CDK3: variants seen among roughly 807,000 people sequenced by gnomAD.
The protein encoded by CDK3 is cyclin dependent kinase 3, also known as cyclin-dependent kinase 3.
A neutral mutation model predicts 30.2 loss-of-function variants in CDK3; 24 were observed. The ratio of observed to expected loss-of-function variants is 0.79; its 90% CI spans 0.57 to 1.12. The LOEUF (loss-of-function observed/expected upper bound fraction) is 1.12. Ranked by LOEUF, CDK3 falls within the 50% of genes most tolerant of loss-of-function variation. The pLI is 0.00. For synonymous variants in CDK3, 158 were observed against 154.2 expected (o/e 1.02, Z -0.18); for missense variants, 345 against 376.0 (o/e 0.92, Z 0.68).
intron 7 of CDK3, among the ~76,000 whole-genome samples, chr17:76,003,693 T>G (rs910000448): frequency 1.3e-5 from 2 of 152,244 alleles, no homozygotes; most frequent in African/African-American, 4.8e-5. Flanking sequence ...TTGTGGACAT[T>G]ACTGCTCCAT....
In CDK3 at chr17:76,001,654, C is replaced by A; in HGVS notation, c.116+113C>A. 1.0e-6 allele frequency: 1 copy of A among 982,760 alleles called. No individual in the cohort carries two copies. The highest frequency in any genetic ancestry group is 2.5e-5 in the East Asian group (1 of 39,532). 60.9% of individuals were successfully genotyped at this position (982,760 alleles called of 1,614,324 possible). The stretch of plus-strand genomic sequence containing the variant: ...ACGTTTAACTCCTCTGGGTGCTGCC[C>A]AGCAGCCCTTACCTGTCCTCTCCCC... On this transcript the variant is annotated intron_variant, in intron 2 of 7. Coordinates refer to ENST00000448471, the MANE Select transcript of CDK3 (RefSeq NM_001258.4). The surrounding 1 kb of genome is among the most constrained non-coding windows in gnomAD (Gnocchi z 6.2).
In CDK3 at chr17:76,005,513, G is replaced by A; in HGVS notation, c.*90G>A. The A allele has an allele frequency of 6.8e-7, 1 of 1,468,900 alleles. No individual in the cohort carries two copies. The highest frequency in any genetic ancestry group is 9.3e-7 in the Non-Finnish European group (1 of 1,078,738). 91.0% of individuals were successfully genotyped at this position (1,468,900 alleles called of 1,614,324 possible). On this transcript the variant is annotated 3_prime_UTR_variant, in exon 8 of 8. Transcript: ENST00000448471. The surrounding 1 kb of genome is among the most constrained non-coding windows in gnomAD (Gnocchi z 4.7). The stretch of plus-strand genomic sequence containing the variant: ...TGCCAAGAGAGGATGCATCTGGGGA[G>A]AGCAAAGCACTAAGGAATTCAGCAT...
Position 76,001,793 on chromosome 17 carries a change from A to C in CDK3, c.117-81A>C. The stretch of plus-strand genomic sequence containing the variant: ...GGGGCCCTGGTCATTCTGTGGGGTT[A>C]AGGAGAAGCCGATCCCCCTGGCTGG... On this transcript the variant is annotated intron_variant, in intron 2 of 7. Transcript: ENST00000448471. This position sits in a 1 kb window ranked among gnomAD's most constrained non-coding sequence, Gnocchi z 6.2. The C allele has an allele frequency of 7.5e-7, 1 of 1,340,500 alleles. No individual in the cohort carries two copies. The highest frequency in any genetic ancestry group is 1.0e-6 in the Non-Finnish European group (1 of 969,380). 83.0% of individuals were successfully genotyped at this position (1,340,500 alleles called of 1,614,324 possible).
In CDK3 at chr17:76,001,561, C is replaced by T. The variant is rs763101490; in HGVS notation, c.116+20C>T. 4.4e-6 allele frequency: 7 copies of T among 1,598,592 alleles called. No individual in the cohort carries two copies. In the South Asian group the frequency reaches 7.7e-5, roughly 18 times the overall value. Reference sequence around the variant, plus strand: ...GGATTTGTGAGTGCTGGGACGGCCCCTGAGTTACCCACCCTGGGCCATCAC... The same window carrying T: ...GGATTTGTGAGTGCTGGGACGGCCCTTGAGTTACCCACCCTGGGCCATCAC... On this transcript the variant is annotated intron_variant, in intron 2 of 7. Coordinates refer to ENST00000448471, the MANE Select transcript of CDK3 (RefSeq NM_001258.4). The surrounding 1 kb of genome is among the most constrained non-coding windows in gnomAD (Gnocchi z 6.2).
intron 7 of CDK3, among the ~76,000 whole-genome samples, chr17:76,004,219 G>GTTTTGTTTTT (rs1555622998): frequency 2.2e-5 from 2 of 92,296 alleles, no homozygotes; most frequent in South Asian, 3.7e-4. Flanking sequence ...AGAACCGTCT[G>GTTTTGTTTTT]TTTTTTTTTT....
Position 76,002,463 on chromosome 17 carries a change from A to G in CDK3, c.486+45A>G, listed in dbSNP as rs749674994. 3.7e-6 allele frequency: 6 copies of G among 1,602,602 alleles called. No individual in the cohort carries two copies. Among genetic ancestry groups the G allele is most frequent in the Non-Finnish European group, 5.1e-6 (6 of 1,170,610 alleles). On this transcript the variant is annotated intron_variant, in intron 5 of 7. Transcript: ENST00000448471. This position sits in a 1 kb window ranked among gnomAD's most constrained non-coding sequence, Gnocchi z 4.3. ...AGAGAGGGGCAGCAGGAGGAGTGTC[A>G]CCCATGCACTCAGCCACCCTGAGTG... is the stretch of plus-strand genomic sequence containing the variant.
chr17:76,002,527 A>T lies in CDK3; in HGVS notation c.503A>T (p.Tyr168Phe), dbSNP rs760094955. The T allele has an allele frequency of 5.6e-6, 7 of 1,258,994 alleles. No homozygotes were observed. The highest frequency in any genetic ancestry group is 7.0e-6 in the Non-Finnish European group (6 of 855,678). 78.0% of individuals were successfully genotyped at this position (1,258,994 alleles called of 1,614,324 possible). ...TYTHEVVTLWYRAPEILLGSK... is the reference protein window; with the variant it reads ...TYTHEVVTLWFRAPEILLGSK... Reference sequence around the variant, plus strand: ...GCCCTGCAGGTGGTGACACTGTGGTATCGCGCCCCCGAGATTCTCTTGGGC... The same window carrying T: ...GCCCTGCAGGTGGTGACACTGTGGTTTCGCGCCCCCGAGATTCTCTTGGGC... Residue 168 changes from tyrosine to phenylalanine, a missense_variant, in exon 6 of 8, where the codon TAT (tyrosine) becomes TTT (phenylalanine). Tyr to Phe is a conservative substitution (Grantham distance 22, BLOSUM62 3). Coordinates refer to ENST00000448471, the MANE Select transcript of CDK3 (RefSeq NM_001258.4). The surrounding 1 kb of genome is among the most constrained non-coding windows in gnomAD (Gnocchi z 4.3).
chr17:76,004,219 GTTT>G (rs59029490), intron 7 of CDK3, among the ~76,000 whole-genome samples: 34 of 92,316 alleles, frequency 3.7e-4, no homozygotes. Context: ...AGAACCGTCT[GTTT>G]TTTTTTTTTT....
Position 76,005,585 on chromosome 17 carries a change from C to T in CDK3, c.*162C>T, listed in dbSNP as rs1011736969. 3.7e-6 allele frequency: 3 copies of T among 803,656 alleles called. No individual in the cohort carries two copies. Among genetic ancestry groups the T allele is most frequent in the Admixed American group, 3.2e-5 (1 of 31,350 alleles). The allele number at this position is 803,656 out of a possible 1,614,324, so 49.8% of individuals were successfully genotyped here. On this transcript the variant is annotated 3_prime_UTR_variant, in exon 8 of 8. Coordinates refer to ENST00000448471, the MANE Select transcript of CDK3 (RefSeq NM_001258.4). The surrounding 1 kb of genome is among the most constrained non-coding windows in gnomAD (Gnocchi z 4.7). ...TGGGTTAGTCCTGCCCGCAGGTTAGCGAGATCCTGTGTTGTTTTTTGGGTT... is the reference window on the plus strand; with the variant it reads ...TGGGTTAGTCCTGCCCGCAGGTTAGTGAGATCCTGTGTTGTTTTTTGGGTT...
Position 76,001,026 on chromosome 17 carries a change from A to G in CDK3, c.-15+59A>G. Reference sequence around the variant, plus strand: ...GCACAAGTGAGAGGCCTGGGGGTCCATGTTGGGCTGGGCTGGGCGAGGGGT... The same window carrying G: ...GCACAAGTGAGAGGCCTGGGGGTCCGTGTTGGGCTGGGCTGGGCGAGGGGT... On this transcript the variant is annotated intron_variant, in intron 1 of 7. Transcript: ENST00000448471. This position sits in a 1 kb window ranked among gnomAD's most constrained non-coding sequence, Gnocchi z 6.2. 1 of 1,131,286 alleles carries G rather than the reference A, an allele frequency of 8.8e-7. No homozygotes were observed. Among genetic ancestry groups the G allele is most frequent in the African/African-American group, 1.7e-5 (1 of 59,852 alleles). The allele number at this position is 1,131,286 out of a possible 1,614,324, so 70.1% of individuals were successfully genotyped here.
Position 76,005,439 on chromosome 17 carries a change from A to G in CDK3, c.*16A>G, listed in dbSNP as rs368783272. 2.9e-5 allele frequency: 47 copies of G among 1,606,380 alleles called. 2 individuals carry two copies. The African/African-American group carries it at 3.1e-4, about 11-fold the overall frequency. ...CCGCCATTGAGAATGTCAAGGCCACACTCAGATCCTTTCTCGAGCAGCTGC... is the reference window on the plus strand; with the variant it reads ...CCGCCATTGAGAATGTCAAGGCCACGCTCAGATCCTTTCTCGAGCAGCTGC... On this transcript the variant is annotated 3_prime_UTR_variant, in exon 8 of 8. Transcript: ENST00000448471. The surrounding 1 kb of genome is among the most constrained non-coding windows in gnomAD (Gnocchi z 4.7).
In CDK3 at chr17:76,002,520, CTG is replaced by C; in HGVS notation, c.499_500del (p.Trp167ValfsTer39). 3 of 1,364,042 alleles carry C rather than the reference CTG, an allele frequency of 2.2e-6. No individual in the cohort carries two copies. Among genetic ancestry groups the C allele is most frequent in the Non-Finnish European group, 3.2e-6 (3 of 951,572 alleles). The allele number at this position is 1,364,042 out of a possible 1,614,324, so 84.5% of individuals were successfully genotyped here. ...TTTCTTTGCCCTGCAGGTGGTGACACTGTGGTATCGCGCCCCCGAGATTCTCT... is the reference window on the plus strand; with the variant it reads ...TTTCTTTGCCCTGCAGGTGGTGACACTGGTATCGCGCCCCCGAGATTCTCT... Reference protein sequence around the residue: ...LRTYTHEVVTLWYRAPEILLG... With the variant: ...LRTYTHEVVTXWYRAPEILLG... On this transcript the variant is annotated frameshift_variant, in exon 6 of 8. Coordinates refer to ENST00000448471, the MANE Select transcript of CDK3 (RefSeq NM_001258.4). LOFTEE classifies it high-confidence loss of function. The surrounding 1 kb of genome is among the most constrained non-coding windows in gnomAD (Gnocchi z 4.3).
rs1164407342 is a variant in CDK3 at position 76,001,129 on chromosome 17, C to T, written c.-15+162C>T. ...AGAGTGTGGGCCCTGCCCTCCGAGG[C>T]CGGGCATGGGCGAGAAGCCTGGGGG... On this transcript the variant is annotated intron_variant, in intron 1 of 7. Coordinates refer to ENST00000448471, the MANE Select transcript of CDK3 (RefSeq NM_001258.4). This position sits in a 1 kb window ranked among gnomAD's most constrained non-coding sequence, Gnocchi z 6.2. 8.0e-6 allele frequency: 10 copies of T among 1,253,198 alleles called. No homozygotes were observed. In the African/African-American group the frequency reaches 9.3e-5, roughly 12 times the overall value. 77.6% of individuals were successfully genotyped at this position (1,253,198 alleles called of 1,614,324 possible).
Position 76,002,329 on chromosome 17 carries a change from C to T in CDK3, c.397C>T (p.Leu133=), listed in dbSNP as rs558068161. ...CCACCGAGACCTGAAGCCCCAGAACCTGCTCATCAATGAGTTGGGTGCCAT... is the reference window on the plus strand; with the variant it reads ...CCACCGAGACCTGAAGCCCCAGAACTTGCTCATCAATGAGTTGGGTGCCAT... ...VIHRDLKPQN[L]LINELGAIKL... is the part of the protein sequence containing the mutation. Residue 133 remains leucine, a synonymous_variant, in exon 5 of 8, where the codon CTG becomes TTG. Transcript: ENST00000448471. This position sits in a 1 kb window ranked among gnomAD's most constrained non-coding sequence, Gnocchi z 4.3. 9.4e-5 allele frequency: 151 copies of T among 1,612,950 alleles called. No individual in the cohort carries two copies. In the East Asian group the frequency reaches 3.1e-3, roughly 33 times the overall value.
Position 76,005,169 on chromosome 17 carries a change from C to G in CDK3, c.793-129C>G. 1 of 1,141,390 alleles carries G rather than the reference C, an allele frequency of 8.8e-7. No homozygotes were observed. 70.7% of individuals were successfully genotyped at this position (1,141,390 alleles called of 1,614,324 possible). On this transcript the variant is annotated intron_variant, in intron 7 of 7. Transcript: ENST00000448471. This position sits in a 1 kb window ranked among gnomAD's most constrained non-coding sequence, Gnocchi z 4.7. ...TGGCTGGAGAGCTGGGAGGTCATGGCTTCATGCGGTTCTGGGTTTGAGGGC... is the reference window on the plus strand; with the variant it reads ...TGGCTGGAGAGCTGGGAGGTCATGGGTTCATGCGGTTCTGGGTTTGAGGGC...
Position 76,005,058 on chromosome 17 carries a change from C to G in CDK3, c.793-240C>G, listed in dbSNP as rs963682899. Among the ~76,000 whole-genome samples, 1 of 152,148 alleles carries G rather than the reference C, an allele frequency of 6.6e-6. No homozygotes were observed. The highest frequency in any genetic ancestry group is 1.5e-5 in the Non-Finnish European group (1 of 68,022). On this transcript the variant is annotated intron_variant, in intron 7 of 7. Coordinates refer to ENST00000448471, the MANE Select transcript of CDK3 (RefSeq NM_001258.4). The surrounding 1 kb of genome is among the most constrained non-coding windows in gnomAD (Gnocchi z 4.7). ...GCAGGCTGGGACCTGGGACCCTCCC[C>G]GAGAAGGGGGGTGACTCAGCTTCAG...
rs1483794288 is a variant in CDK3, at chr17:76,002,885, G to C, written c.588+273G>C. 1.9e-6 allele frequency: 1 copy of C among 539,252 alleles called. No homozygotes were observed. Among genetic ancestry groups the C allele is most frequent in the Non-Finnish European group, 3.3e-6 (1 of 300,530 alleles). The allele number at this position is 539,252 out of a possible 1,614,324, so 33.4% of individuals were successfully genotyped here. ...GTGGTGGTGCATGCTTGTAGTCCCA[G>C]CTACTTGGGAGGTTGAGGCAGGAGG... is the stretch of plus-strand genomic sequence containing the variant. On this transcript the variant is annotated intron_variant, in intron 6 of 7. Transcript: ENST00000448471. The surrounding 1 kb of genome is among the most constrained non-coding windows in gnomAD (Gnocchi z 4.3).
At position 76,001,539 on chromosome 17, in the gene CDK3, T is replaced by C. The variant is rs201517026; in HGVS notation, c.114T>C (p.Asp38=). 2 of 1,613,476 alleles carry C rather than the reference T, an allele frequency of 1.2e-6. No individual in the cohort carries two copies. The highest frequency in any genetic ancestry group is 4.5e-5 in the East Asian group (2 of 44,854). Residue 38 remains aspartate, a splice_region_variant and synonymous_variant, in exon 2 of 8, where the codon GAT becomes GAC. Transcript: ENST00000448471. The surrounding 1 kb of genome is among the most constrained non-coding windows in gnomAD (Gnocchi z 6.2). ...QLVALKKIRL[D]LEMEGVPSTA... is the part of the protein sequence containing the mutation. ...TGGCCCTGAAGAAGATCAGACTGGA[T>C]TTGTGAGTGCTGGGACGGCCCCTGA...
In CDK3 at chr17:76,001,091, G is replaced by A; in HGVS notation, c.-15+124G>A. The A allele has an allele frequency of 8.4e-7, 1 of 1,190,280 alleles. No homozygotes were observed. Among genetic ancestry groups the A allele is most frequent in the Non-Finnish European group, 1.1e-6 (1 of 948,372 alleles). The allele number at this position is 1,190,280 out of a possible 1,614,324, so 73.7% of individuals were successfully genotyped here. ...TGGGGGTTCTGGCTGGGATGGGCAG[G>A]GGGCTGGGTGGGAGAGTGTGGGCCC... On this transcript the variant is annotated intron_variant, in intron 1 of 7. Transcript: ENST00000448471. This position sits in a 1 kb window ranked among gnomAD's most constrained non-coding sequence, Gnocchi z 6.2.
Sources: allele counts gnomAD v4.1 joint callset (sites outside exome capture counted in the v4.1 genomes callset), GRCh38; gene constraint gnomAD v4.1.1; non-coding constraint Gnocchi (gnomAD v3.1); transcripts MANE v1.5; gene names NCBI Gene and HGNC (gene_info 2026-07-23, HGNC 2026-07-21).